SYN3: variants seen among roughly 807,000 people sequenced by gnomAD.
SYN3 encodes synapsin III.
In SYN3, 35 loss-of-function variants were observed where a neutral mutation model predicts 65.8. That is an observed-to-expected ratio of 0.53 (90% CI 0.41 to 0.70). The LOEUF (loss-of-function observed/expected upper bound fraction) is 0.70. Among genes scored for constraint, SYN3 ranks in the 30% least tolerant of loss-of-function variants. The pLI, the probability that SYN3 is intolerant of heterozygous loss-of-function variation, is 0.00. For missense variants in SYN3, 680 were observed against 749.0 expected (o/e 0.91, Z 1.08); for synonymous variants, 270 against 292.9 (o/e 0.92, Z 0.80).
chr22:32,621,808 G>C (rs2059598571), intron 6 of SYN3, among the ~76,000 whole-genome samples: 1 of 152,128 alleles, frequency 6.6e-6, no homozygotes, highest in Non-Finnish European at 1.5e-5. Flanking sequence ...TTTCACAGAG[G>C]GGAAAACTGA....
At chr22:32,633,017 C>T (rs529733581) in intron 6 of SYN3, among the ~76,000 whole-genome samples, 16 of 152,190 alleles carry the variant, frequency 1.1e-4, no homozygotes, top group Non-Finnish European at 2.1e-4. Context: ...TCACCCGGCT[C>T]CTTCACATAC....
chr22:32,558,526 G>C (rs2058536754), intron 7 of SYN3, among the ~76,000 whole-genome samples: 1 of 152,224 alleles, frequency 6.6e-6, no homozygotes, highest in African/African-American at 2.4e-5. Flanking sequence ...TGAATGCAGA[G>C]GATGGAGGCA....
At chr22:32,807,393 T>A (rs7292439) in intron 6 of SYN3, among the ~76,000 whole-genome samples, 1 of 101,690 alleles carries the variant, frequency 9.8e-6, no homozygotes, top group Admixed American at 1.2e-4. Context: ...ATATTATATA[T>A]AATATATATA....
intron 6 of SYN3, among the ~76,000 whole-genome samples, chr22:32,766,603 C>T (rs903564946): frequency 6.6e-6 from 1 of 152,210 alleles, no homozygotes; most frequent in Non-Finnish European, 1.5e-5. Flanking sequence ...ACTGCTGTTT[C>T]ACATCATCAC....
At chr22:32,699,161 G>A (rs1323336102) in intron 6 of SYN3, among the ~76,000 whole-genome samples, 1 of 152,208 alleles carries the variant, frequency 6.6e-6, no homozygotes, top group Admixed American at 6.5e-5. Flanking sequence ...TGACAGAGTT[G>A]GCCCAGAAAG....
intron 6 of SYN3, among the ~76,000 whole-genome samples, chr22:32,714,743 C>G (rs1198144694): frequency 1.3e-5 from 2 of 152,182 alleles, no homozygotes; most frequent in African/African-American, 4.8e-5. Flanking sequence ...AGGCTTTGTG[C>G]TGCTACTTCC....
chr22:32,879,839 T>C (rs993388517), intron 4 of SYN3, among the ~76,000 whole-genome samples: 1 of 152,140 alleles, frequency 6.6e-6, no homozygotes, highest in Non-Finnish European at 1.5e-5. Context: ...ACAACCCTTT[T>C]AAAAAAATAA....
In SYN3 at chr22:33,008,985, GA is replaced by G. The variant is rs1476629177; in HGVS notation, c.-162-2162del. On this transcript the variant is annotated intron_variant, in intron 1 of 13. Transcript: ENST00000358763. ...AAAAGAGAGAGAGAGAAAAGAAAAA[GA>G]AAAAAGAAAAAGAAAATCGGAAATG... 9.3e-5 allele frequency among the ~76,000 whole-genome samples: 7 copies of G among 75,596 alleles called. No individual in the cohort carries two copies. In the East Asian group the frequency reaches 3.7e-3, roughly 40 times the overall value. 49.6% of individuals were successfully genotyped at this position (75,596 alleles called of 152,430 possible). A position where few individuals can be genotyped will look rare whatever the true frequency, so the allele number is the denominator to read the frequency against.
intron 5 of SYN3, among the ~76,000 whole-genome samples, chr22:32,865,252 A>G (rs547583714): frequency 6.6e-6 from 1 of 152,340 alleles, no homozygotes; most frequent in South Asian, 2.1e-4. Context: ...GGTTCAGCCC[A>G]ACCATATTTA....
chr22:32,836,627 G>T (rs533126037), intron 6 of SYN3, among the ~76,000 whole-genome samples: 1 of 151,996 alleles, frequency 6.6e-6, no homozygotes, highest in Non-Finnish European at 1.5e-5. Flanking sequence ...CGTTTTTCTC[G>T]TACCTGTTCC....
intron 6 of SYN3, among the ~76,000 whole-genome samples, chr22:32,803,900 G>T (rs2046656091): frequency 6.6e-6 from 1 of 152,056 alleles, no homozygotes; most frequent in South Asian, 2.1e-4. Context: ...CTTTGCTTTG[G>T]GGTTTCTACC....
At chr22:32,591,889 C>T (rs1268071854) in intron 7 of SYN3, among the ~76,000 whole-genome samples, 1 of 152,196 alleles carries the variant, frequency 6.6e-6, no homozygotes, top group Non-Finnish European at 1.5e-5. Flanking sequence ...ATCATCACTG[C>T]GTCCAGCACG....
intron 12 of SYN3, among the ~76,000 whole-genome samples, chr22:32,524,552 A>G (rs911946827): frequency 2.6e-5 from 4 of 152,234 alleles, no homozygotes; most frequent in African/African-American, 9.6e-5. Context: ...GTTCAGAAAA[A>G]AGATTCTTTT....
intron 7 of SYN3, among the ~76,000 whole-genome samples, chr22:32,591,501 C>G (rs568114639): frequency 6.6e-6 from 1 of 152,302 alleles, no homozygotes; most frequent in South Asian, 2.1e-4. Context: ...AGAAGTTCTG[C>G]GCTAAAAGCT....
At chr22:32,732,575 C>T (rs1010127455) in intron 6 of SYN3, among the ~76,000 whole-genome samples, 2 of 152,220 alleles carry the variant, frequency 1.3e-5, no homozygotes, top group African/African-American at 4.8e-5. Flanking sequence ...CTTCCCAGCT[C>T]TGTGACCATG....
chr22:32,726,480 A>C (rs1377925348), intron 6 of SYN3, among the ~76,000 whole-genome samples: 3 of 151,990 alleles, frequency 2.0e-5, no homozygotes, highest in Admixed American at 6.5e-5. Context: ...GGGGATCCGA[A>C]CTCTATATCC....
intron 4 of SYN3, among the ~76,000 whole-genome samples, chr22:32,911,664 C>T (rs2050055693): frequency 6.6e-6 from 1 of 152,118 alleles, no homozygotes; most frequent in Admixed American, 6.5e-5. Context: ...AAGATGGCTG[C>T]ACGGCTCTCC....
At chr22:32,544,915 C>T (rs921496893) in intron 7 of SYN3, among the ~76,000 whole-genome samples, 1 of 152,210 alleles carries the variant, frequency 6.6e-6, no homozygotes, top group Non-Finnish European at 1.5e-5. Context: ...TCCACAGCAT[C>T]ATTTTCCTGC....
At chr22:33,040,966 G>T (rs1174631572) in intron 1 of SYN3, among the ~76,000 whole-genome samples, 1 of 152,092 alleles carries the variant, frequency 6.6e-6, no homozygotes, top group Non-Finnish European at 1.5e-5. Context: ...CCAGGCTGGA[G>T]TGCAGTGGCA....
Sources: gnomAD v4.1 joint callset for allele counts (sites outside exome capture counted in the v4.1 genomes callset) on GRCh38, gnomAD v4.1.1 for gene constraint, MANE v1.5 for transcripts, NCBI Gene and HGNC (gene_info 2026-07-23, HGNC 2026-07-21) for gene names.